Variants in DDX60 observed in about 807,000 individuals in gnomAD.
DDX60 encodes DExD/H-box helicase 60.
In DDX60, 165 loss-of-function variants were observed where a neutral mutation model predicts 212.8. That is an observed-to-expected ratio of 0.78 (90% CI 0.68 to 0.88). The LOEUF (loss-of-function observed/expected upper bound fraction) is 0.88, where lower values mean the gene tolerates loss of function less well. Ranked by LOEUF, DDX60 falls within the 40% of genes least tolerant of loss-of-function variation. The probability of loss-of-function intolerance (pLI) is 0.00; values close to 1 mark genes in which losing one functional copy is unlikely to be tolerated. For synonymous variants in DDX60, 703 were observed against 685.3 expected, an observed-to-expected ratio of 1.03 and a Z score of -0.40; for missense variants, 1,905 against 2,003.9, an observed-to-expected ratio of 0.95 and a Z score of 0.94.
chr4:168,221,742 A>G lies in DDX60; in HGVS notation c.4964T>C (p.Val1655Ala). Residue 1655 changes from valine (V) to alanine (A), a missense_variant, in exon 36 of 38, where the codon GTC becomes GCC. By Grantham distance (64) the Val-to-Ala change is moderately conservative. Transcript: ENST00000393743. ...AGAGAGGACATACCTGTTATCCTGG[A>G]CTAATCCTATCAAGGAACCATGTTT... The part of the protein sequence containing the change: ...FYKHGSLIGL[V>A]QDNRMNEGDA... The G allele has an allele frequency of 6.2e-7, 1 of 1,612,418 alleles. No individual in the cohort carries two copies. The highest frequency in any genetic ancestry group is 8.5e-7 in the Non-Finnish European group (1 of 1,178,826).
intron 5 of DDX60, among the ~76,000 whole-genome samples, chr4:168,302,631 T>C (rs1333595350): frequency 6.6e-6 from 1 of 152,234 alleles, no homozygotes; most frequent in Non-Finnish European, 1.5e-5. Flanking sequence ...GTATTTTGTT[T>C]TTTAACAGCT....
At chr4:168,276,223 A>T (rs753064855) in intron 14 of DDX60, 42 bp from the exon 15 acceptor site, 1 of 1,488,376 alleles carries the variant, frequency 6.7e-7, no homozygotes, top group Non-Finnish European at 9.2e-7. Flanking sequence ...AAAGACCATC[A>T]AAAATAATTC....
chr4:168,240,804 A>G (rs1733809611), intron 30 of DDX60, among the ~76,000 whole-genome samples: 1 of 152,232 alleles, frequency 6.6e-6, no homozygotes, highest in South Asian at 2.1e-4. Flanking sequence ...GGTGGATTAA[A>G]GACTTAAGGT....
chr4:168,252,599 A>G lies in DDX60; in HGVS notation c.3615T>C (p.Ala1205=). ...RNVDQSLIHE[A]EHDNLVKCLE... ...GACACTTCACTAGATTATCATGTTC[A>G]GCTTCATGTATTAGGCTTTGATCCA... Residue 1205 remains alanine (A), a synonymous_variant, in exon 27 of 38, where the codon GCT becomes GCC. Transcript: ENST00000393743. 6.2e-7 allele frequency: 1 copy of G among 1,613,646 alleles called. No homozygotes were observed. The highest frequency in any genetic ancestry group is 8.5e-7 in the Non-Finnish European group (1 of 1,179,718).
intron 19 of DDX60, 96 bp from the exon 20 acceptor site, chr4:168,269,065 C>A: frequency 1.6e-6 from 1 of 608,144 alleles, no homozygotes; most frequent in Non-Finnish European, 2.9e-6. Flanking sequence ...TCATGCATGC[C>A]TTCCCATCGC....
chr4:168,220,305 G>A lies in DDX60; in HGVS notation c.5039+350C>T, dbSNP rs183779458. On this transcript the variant is annotated intron_variant, in intron 37 of 37. Transcript: ENST00000393743. ...ACCCTAAGGAGCCCTCTGAAATATC[G>A]TGTCCCATGTCTTTGACATACACTG... Among the ~76,000 whole-genome samples the A allele has an allele frequency of 9.2e-4, 140 of 152,186 alleles. 1 individual carries two copies. The highest frequency in any genetic ancestry group is 7.2e-4 in the Non-Finnish European group (49 of 67,998).
chr4:168,324,474 A>C, the DDX60 span, among the ~76,000 whole-genome samples: 3 of 152,270 alleles, frequency 2.0e-5, no homozygotes, highest in East Asian at 5.8e-4. Context: ...TTCAGTTTGG[A>C]CAGATTTTAC....
chr4:168,317,919 A>C (rs1354076688), intron 1 of DDX60, among the ~76,000 whole-genome samples: 1 of 152,148 alleles, frequency 6.6e-6, no homozygotes, highest in Non-Finnish European at 1.5e-5. Context: ...TTCTTCCAAC[A>C]ACCTGAATGA....
At chr4:168,250,874 G>T in intron 28 of DDX60, 80 bp downstream of exon 28, 1 of 1,230,866 alleles carries the variant, frequency 8.1e-7, no homozygotes, top group Non-Finnish European at 1.1e-6. Flanking sequence ...AAAAATGGTG[G>T]TTGTATTCTT....
intron 4 of DDX60, 77 bp from the exon 5 acceptor site, chr4:168,306,797 G>C: frequency 9.3e-7 from 1 of 1,078,812 alleles, no homozygotes; most frequent in Non-Finnish European, 1.4e-6. Context: ...CATCATTAAA[G>C]GCACTGAAGG....
At chr4:168,273,136 T>A in intron 18 of DDX60, 143 bp downstream of exon 18, 1 of 870,236 alleles carries the variant, frequency 1.1e-6, no homozygotes, top group Non-Finnish European at 1.7e-6. Context: ...CAATATTACA[T>A]TTTTTCTAAA....
At chr4:168,242,392 G>A (rs901065046) in intron 30 of DDX60, among the ~76,000 whole-genome samples, 1 of 152,214 alleles carries the variant, frequency 6.6e-6, no homozygotes, top group African/African-American at 2.4e-5. Flanking sequence ...CTCAATGCCA[G>A]CCTATGAAGG....
chr4:168,275,982 C>T (rs755589079), intron 15 of DDX60, 33 bp downstream of exon 15: 61 of 1,544,146 alleles, frequency 4.0e-5, no homozygotes, highest in Non-Finnish European at 5.2e-5. Context: ...TAATAATTAC[C>T]CTGTTGAAAT....
intron 37 of DDX60, among the ~76,000 whole-genome samples, chr4:168,219,835 G>A (rs976526118): frequency 1.3e-5 from 2 of 151,930 alleles, no homozygotes; most frequent in Admixed American, 6.6e-5. Context: ...TCAGGAGTTC[G>A]AGACCACACT....
At chr4:168,272,658 T>C (rs1735154367) in intron 18 of DDX60, among the ~76,000 whole-genome samples, 1 of 152,192 alleles carries the variant, frequency 6.6e-6, no homozygotes, top group Non-Finnish European at 1.5e-5. Flanking sequence ...TACTTCTACT[T>C]AGCTCAGTTG....
chr4:168,227,124 A>G (rs1012086461), intron 33 of DDX60, among the ~76,000 whole-genome samples: 7 of 152,068 alleles, frequency 4.6e-5, no homozygotes, highest in Admixed American at 1.3e-4. Flanking sequence ...GTGTTTTAAT[A>G]TACATATATA....
At position 168,262,009 on chromosome 4, in the gene DDX60, G is replaced by A. The variant is rs151258509; in HGVS notation, c.3264C>T (p.Asn1088=). The A allele has an allele frequency of 5.0e-4, 794 of 1,591,648 alleles. No individual in the cohort carries two copies. Among genetic ancestry groups the A allele is most frequent in the Non-Finnish European group, 6.4e-4 (747 of 1,172,446 alleles). Residue 1088 remains asparagine (N), a synonymous_variant, in exon 24 of 38, where the codon AAC becomes AAT. Coordinates refer to ENST00000393743, the MANE Select transcript of DDX60 (RefSeq NM_017631.6). ...AGCGTATGAAAATTACCTGCTCTACGTTGCCATTTTTAATCCAACTTGTTA... is the reference window on the plus strand; with the variant it reads ...AGCGTATGAAAATTACCTGCTCTACATTGCCATTTTTAATCCAACTTGTTA... ...AELTSWIKNG[N]VEQARMVLQN...
intron 8 of DDX60, 66 bp from the exon 9 acceptor site, chr4:168,288,381 T>C: frequency 8.7e-7 from 1 of 1,155,582 alleles, no homozygotes; most frequent in East Asian, 2.7e-5. Flanking sequence ...ATAGGGTTCA[T>C]ATGCTTCTGA....
At chr4:168,263,474 G>C (rs1233343877) in intron 22 of DDX60, 1 of 152,180 alleles carries the variant, frequency 6.6e-6, no homozygotes, top group Non-Finnish European at 1.5e-5. Flanking sequence ...TACTCTCTGA[G>C]ATGTTAATAG....
Sources: allele counts gnomAD v4.1 joint callset (sites outside exome capture counted in the v4.1 genomes callset), GRCh38; gene constraint gnomAD v4.1.1; transcripts MANE v1.5; gene names NCBI Gene and HGNC (gene_info 2026-07-23, HGNC 2026-07-21).